JAZF1: variants seen among roughly 807,000 people sequenced by gnomAD.
JAZF1 encodes juxtaposed with another zinc finger protein 1.
JAZF1 carries 8 observed loss-of-function variants against 26.4 expected under a neutral mutation model. The ratio of observed to expected loss-of-function variants is 0.30; its 90% CI spans 0.18 to 0.55. The LOEUF (loss-of-function observed/expected upper bound fraction) is 0.55. Ranked by LOEUF, JAZF1 falls within the 20% of genes least tolerant of loss-of-function variation. The pLI, the probability that JAZF1 is intolerant of heterozygous loss-of-function variation, is 0.94. For missense variants in JAZF1, 199 were observed against 322.0 expected, an observed-to-expected ratio of 0.62 and a Z score of 2.92; for synonymous variants, 126 against 122.3, an observed-to-expected ratio of 1.03 and a Z score of -0.20.
At chr7:28,124,948 G>T (rs1321829287) in intron 1 of JAZF1, among the ~76,000 whole-genome samples, 1 of 152,130 alleles carries the variant, frequency 6.6e-6, no homozygotes, top group Non-Finnish European at 1.5e-5. Flanking sequence ...GGTCTATTAT[G>T]TAAAATAAAG....
Position 27,928,204 on chromosome 7 carries a change from T to A in JAZF1, c.189-32788A>T, listed in dbSNP as rs1358253134. On this transcript the variant is annotated intron_variant, in intron 2 of 4. Transcript: ENST00000283928. ...CTATCTGGTTTCAGTTAGGCAATAG[T>A]CTTTGGCCAGCATTTTCTGGTACAT... 2.0e-5 allele frequency among the ~76,000 whole-genome samples: 3 copies of A among 152,218 alleles called. 1 individual carries two copies. The highest frequency in any genetic ancestry group is 2.0e-4 in the Admixed American group (3 of 15,284).
intron 1 of JAZF1, among the ~76,000 whole-genome samples, chr7:28,085,473 A>C (rs1344856888): frequency 1.3e-5 from 2 of 152,250 alleles, no homozygotes; most frequent in African/African-American, 4.8e-5. Context: ...TTAGGTCTTC[A>C]TAAACCTACA....
intron 2 of JAZF1, among the ~76,000 whole-genome samples, chr7:27,942,743 C>A (rs1044030439): frequency 6.6e-6 from 1 of 152,112 alleles, no homozygotes; most frequent in Non-Finnish European, 1.5e-5. Flanking sequence ...AGGGTGATAC[C>A]GGCCTGAAAA....
rs1475602818 is a variant in JAZF1, at chr7:27,858,919, A to AACTATCAT, written c.386-18060_386-18053dup. ...CTAAAGAGCTTTGCACAGCAAAAGA[A>AACTATCAT]ACTATCATCAGAGTGAACAGGAAAC... On this transcript the variant is annotated intron_variant, in intron 3 of 4. Transcript: ENST00000283928. Among the ~76,000 whole-genome samples, 5 of 152,248 alleles carry AACTATCAT rather than the reference A, an allele frequency of 3.3e-5. No homozygotes were observed. The East Asian group carries it at 9.6e-4, about 29-fold the overall frequency.
intron 1 of JAZF1, among the ~76,000 whole-genome samples, chr7:28,043,955 G>A (rs1783449706): frequency 6.6e-6 from 1 of 152,134 alleles, no homozygotes; most frequent in South Asian, 2.1e-4. Context: ...GCAGAAAGCA[G>A]GTTACCGGTT....
intron 1 of JAZF1, among the ~76,000 whole-genome samples, chr7:28,116,519 A>C (rs1446013910): frequency 1.3e-5 from 2 of 151,966 alleles, no homozygotes; most frequent in East Asian, 3.9e-4. Context: ...ATCTTGGCTC[A>C]CTGCAACCTC....
chr7:28,008,985 A>G (rs1231403110), intron 1 of JAZF1, among the ~76,000 whole-genome samples: 1 of 152,242 alleles, frequency 6.6e-6, no homozygotes, highest in East Asian at 1.9e-4. Flanking sequence ...ACTTTCTATC[A>G]TGGTTAAGTA....
chr7:28,023,116 C>T (rs540497434), intron 1 of JAZF1, among the ~76,000 whole-genome samples: 124 of 152,274 alleles, frequency 8.1e-4, no homozygotes, highest in African/African-American at 2.7e-3. Flanking sequence ...GTACAAACAA[C>T]GTCTGTGAGG....
Position 28,124,366 on chromosome 7 carries a change from A to T in JAZF1, c.115+56097T>A, listed in dbSNP as rs78878080. On this transcript the variant is annotated intron_variant, in intron 1 of 4. Coordinates refer to ENST00000283928, the MANE Select transcript of JAZF1 (RefSeq NM_175061.4). ...GTGAAAAAAATACATTTCTACACTT[A>T]ACGCCAACTGGCCTGTGATACTGTG... 5.6e-4 allele frequency among the ~76,000 whole-genome samples: 86 copies of T among 152,338 alleles called. No individual in the cohort carries two copies. In the East Asian group the frequency reaches 0.015, roughly 27 times the overall value.
chr7:27,861,887 G>A (rs1409102816), intron 3 of JAZF1, among the ~76,000 whole-genome samples: 1 of 152,236 alleles, frequency 6.6e-6, no homozygotes. Flanking sequence ...GTGAGTGGCT[G>A]TGGGTAGAGA....
chr7:27,999,684 G>A (rs570776095), intron 1 of JAZF1, among the ~76,000 whole-genome samples: 1 of 152,194 alleles, frequency 6.6e-6, no homozygotes, highest in Non-Finnish European at 1.5e-5. Context: ...AGATCTTAGA[G>A]GCCACAAATC....
At chr7:27,873,414 G>T (rs57251586) in intron 3 of JAZF1, among the ~76,000 whole-genome samples, 1 of 152,122 alleles carries the variant, frequency 6.6e-6, no homozygotes, top group African/African-American at 2.4e-5. Context: ...TGGCATTTAA[G>T]GTCCTTATAT....
chr7:27,997,962 A>G (rs1358139747), intron 1 of JAZF1, among the ~76,000 whole-genome samples: 1 of 151,704 alleles, frequency 6.6e-6, no homozygotes, highest in Admixed American at 6.6e-5. Flanking sequence ...GAGAGAAACC[A>G]GAACAAACAA....
At chr7:27,886,974 A>G (rs948965212) in intron 3 of JAZF1, among the ~76,000 whole-genome samples, 1 of 152,214 alleles carries the variant, frequency 6.6e-6, no homozygotes, top group Non-Finnish European at 1.5e-5. Flanking sequence ...GCTGGAGGCC[A>G]TCATCCTTAG....
chr7:27,839,515 C>T (rs1179157549), intron 4 of JAZF1, among the ~76,000 whole-genome samples: 2 of 152,160 alleles, frequency 1.3e-5, no homozygotes, highest in East Asian at 1.9e-4. Flanking sequence ...CCCAACTCCA[C>T]GCCTCTGACA....
At chr7:28,118,950 A>G (rs553670250) in intron 1 of JAZF1, among the ~76,000 whole-genome samples, 33 of 152,342 alleles carry the variant, frequency 2.2e-4, no homozygotes, top group African/African-American at 7.7e-4. Context: ...ATACCCCTAC[A>G]TAATAAATAA....
chr7:27,834,998 GC>G (rs1782777717), intron 4 of JAZF1, among the ~76,000 whole-genome samples: 1 of 152,204 alleles, frequency 6.6e-6, no homozygotes, highest in Non-Finnish European at 1.5e-5. Flanking sequence ...GCACCTGCCT[GC>G]TTAGTAATAT....
intron 3 of JAZF1, among the ~76,000 whole-genome samples, chr7:27,868,702 G>A (rs1333637264): frequency 6.6e-6 from 1 of 152,234 alleles, no homozygotes; most frequent in Admixed American, 6.5e-5. Flanking sequence ...TGGAAAGAGA[G>A]AGCATGGTAC....
At chr7:27,834,440 TTGTCCAG>T (rs1319162728) in intron 4 of JAZF1, among the ~76,000 whole-genome samples, 1 of 152,078 alleles carries the variant, frequency 6.6e-6, no homozygotes, top group Non-Finnish European at 1.5e-5. Flanking sequence ...AGTCTGAAGG[TTGTCCAG>T]TGATTTGAAG....
Sources: allele counts gnomAD v4.1 joint callset (sites outside exome capture counted in the v4.1 genomes callset), GRCh38; gene constraint gnomAD v4.1.1; transcripts MANE v1.5; gene names NCBI Gene and HGNC (gene_info 2026-07-23, HGNC 2026-07-21).